CCNB1IP1: variants seen among roughly 807,000 people sequenced by gnomAD.
The protein encoded by CCNB1IP1 is E3 ubiquitin-protein ligase CCNB1IP1.
In CCNB1IP1, 14 loss-of-function variants were observed where a neutral mutation model predicts 25.6. That is an observed-to-expected ratio of 0.55 (90% CI 0.36 to 0.85). The LOEUF (loss-of-function observed/expected upper bound fraction) is 0.85. Ranked by LOEUF, CCNB1IP1 falls within the 40% of genes least tolerant of loss-of-function variation. The pLI, the probability that CCNB1IP1 is intolerant of heterozygous loss-of-function variation, is 0.01. For synonymous variants in CCNB1IP1, 119 were observed against 116.1 expected (o/e 1.02, Z -0.16); for missense variants, 278 against 342.4 (o/e 0.81, Z 1.48).
intron 6 of CCNB1IP1, among the ~76,000 whole-genome samples, chr14:20,312,973 C>A (rs1456528150): frequency 6.6e-6 from 1 of 152,020 alleles, no homozygotes. Context: ...GAAACATGGC[C>A]TTCTTGGAGG....
rs1215020093 is a variant in CCNB1IP1 at position 20,311,467 on chromosome 14, C to T, written c.*83G>A. ...TGGCATGATCTTAGATCACTAAAGCCTCAGACTCCTGGGCTCAAGTGATCC... is the reference window on the plus strand; with the variant it reads ...TGGCATGATCTTAGATCACTAAAGCTTCAGACTCCTGGGCTCAAGTGATCC... On this transcript the variant is annotated 3_prime_UTR_variant, in exon 7 of 7. Coordinates refer to ENST00000358932, the MANE Select transcript of CCNB1IP1 (RefSeq NM_021178.5). The T allele has an allele frequency of 8.4e-6, 10 of 1,188,844 alleles. No individual in the cohort carries two copies. The highest frequency in any genetic ancestry group is 1.2e-5 in the Non-Finnish European group (10 of 800,230). 73.6% of individuals were successfully genotyped at this position (1,188,844 alleles called of 1,614,324 possible). A position where few individuals can be genotyped will look rare whatever the true frequency, so the allele number is the denominator to read the frequency against.
At chr14:20,314,726 A>C (rs890713909) in intron 5 of CCNB1IP1, 26 of 152,272 alleles carry the variant, frequency 1.7e-4, no homozygotes, top group Middle Eastern at 3.4e-3. Flanking sequence ...AGGATCAAAG[A>C]ATACTTCAAA....
intron 1 of CCNB1IP1, among the ~76,000 whole-genome samples, chr14:20,332,005 C>CATATATATATATATATGATGTGTATAT (rs1883251359): frequency 3.0e-5 from 2 of 66,580 alleles, no homozygotes; most frequent in African/African-American, 1.6e-4. Context: ...GATGTGTATA[C>CATATATATATATATATGATGTGTATAT]ATATATATAT....
intron 4 of CCNB1IP1, among the ~76,000 whole-genome samples, chr14:20,321,711 T>C (rs1882902319): frequency 6.6e-6 from 1 of 152,184 alleles, no homozygotes; most frequent in Admixed American, 6.5e-5. Context: ...CTCGGCCTTC[T>C]GAAGTGCTGG....
intron 4 of CCNB1IP1, among the ~76,000 whole-genome samples, chr14:20,325,081 A>G (rs1018088665): frequency 7.3e-5 from 11 of 150,116 alleles, no homozygotes; most frequent in Admixed American, 4.6e-4. Flanking sequence ...CCAAAGTGCT[A>G]GGATTACAGG....
chr14:20,312,386 C>T (rs1566397749), intron 6 of CCNB1IP1, among the ~76,000 whole-genome samples: 1 of 147,266 alleles, frequency 6.8e-6, no homozygotes, highest in Non-Finnish European at 1.5e-5. Context: ...TGCCCCCCAC[C>T]TTTTTTTTTT....
In CCNB1IP1 at chr14:20,316,363, G is replaced by A; in HGVS notation, c.161C>T (p.Thr54Ile). Residue 54 changes from threonine (T) to isoleucine (I), a missense_variant, in exon 5 of 7, where the codon ACC becomes ATC. Transcript: ENST00000358932. ...GACAATATCTAGCTTTCCAGAAAGG[G>A]TACTGTTGCAGGCAGGACAGATAGC... ...SPAICPACNS[T>I]LSGKLDIVRT... 1 of 1,613,956 alleles carries A rather than the reference G, an allele frequency of 6.2e-7. No homozygotes were observed. Among genetic ancestry groups the A allele is most frequent in the Non-Finnish European group, 8.5e-7 (1 of 1,179,880 alleles).
At chr14:20,320,289 A>G (rs995403713) in intron 4 of CCNB1IP1, 4 of 455,650 alleles carry the variant, frequency 8.8e-6, no homozygotes, top group Admixed American at 2.4e-5. Flanking sequence ...ATAACTTACA[A>G]TAAGAGTTGT....
At chr14:20,321,277 ATT>A (rs1490069243) in intron 4 of CCNB1IP1, among the ~76,000 whole-genome samples, 5 of 152,190 alleles carry the variant, frequency 3.3e-5, no homozygotes. Flanking sequence ...CTTCCTGTTT[ATT>A]TTGATACCTT....
chr14:20,322,985 AC>A (rs1882943968), intron 4 of CCNB1IP1, among the ~76,000 whole-genome samples: 1 of 152,106 alleles, frequency 6.6e-6, no homozygotes, highest in Non-Finnish European at 1.5e-5. Flanking sequence ...AACTGAGTAA[AC>A]CATTTAAAAT....
At chr14:20,327,094 TTAAC>T (rs1883098837) in intron 2 of CCNB1IP1, among the ~76,000 whole-genome samples, 1 of 151,506 alleles carries the variant, frequency 6.6e-6, no homozygotes, top group Non-Finnish European at 1.5e-5. Context: ...CAAAAAAAAT[TTAAC>T]AACAACAACA....
rs1882558788 is a variant in CCNB1IP1 at position 20,313,194 on chromosome 14, A to G, written c.631+274T>C. The stretch of plus-strand genomic sequence containing the variant: ...AATGACAGCTAATATTATTATTACT[A>G]CAACTACATAGCTTTTAACTTAATG... On this transcript the variant is annotated intron_variant, in intron 6 of 6. Transcript: ENST00000358932. Among the ~76,000 whole-genome samples the G allele has an allele frequency of 3.3e-5, 5 of 152,264 alleles. No homozygotes were observed. In the South Asian group the frequency reaches 8.3e-4, roughly 25 times the overall value.
chr14:20,315,833 C>T (rs1409172695), intron 5 of CCNB1IP1: 1 of 1,084,036 alleles, frequency 9.2e-7, no homozygotes, highest in African/African-American at 1.6e-5. Flanking sequence ...GGCTTGAACC[C>T]AGGAGTTAGA....
intron 4 of CCNB1IP1, among the ~76,000 whole-genome samples, chr14:20,319,854 A>C (rs559836879): frequency 6.6e-6 from 1 of 152,360 alleles, no homozygotes; most frequent in South Asian, 2.1e-4. Flanking sequence ...TTTCACTGCC[A>C]CCAGCAAAGT....
intron 5 of CCNB1IP1, among the ~76,000 whole-genome samples, 182 bp downstream of exon 5, chr14:20,316,045 G>A (rs1882683472): frequency 6.6e-6 from 1 of 152,084 alleles, no homozygotes; most frequent in Non-Finnish European, 1.5e-5. Flanking sequence ...AATTATGAGT[G>A]CTTTAATTTT....
intron 3 of CCNB1IP1, chr14:20,326,479 C>A (rs907484583): frequency 1.9e-6 from 1 of 534,598 alleles, no homozygotes; most frequent in Non-Finnish European, 3.8e-6. Context: ...TTTAATCAGG[C>A]TGATCAGCTG....
At chr14:20,313,416 A>G in intron 6 of CCNB1IP1, 52 bp downstream of exon 6, 2 of 1,397,530 alleles carry the variant, frequency 1.4e-6, no homozygotes, top group Non-Finnish European at 2.0e-6. Flanking sequence ...GCAGAGCAGT[A>G]TAAAAAATCA....
At chr14:20,326,151 T>C (rs1883068950) in intron 3 of CCNB1IP1, among the ~76,000 whole-genome samples, 1 of 152,210 alleles carries the variant, frequency 6.6e-6, no homozygotes, top group Admixed American at 6.5e-5. Context: ...CATGTATAGA[T>C]TGATAAAATA....
In CCNB1IP1 at chr14:20,316,383, G is replaced by C. The variant is rs764595262; in HGVS notation, c.141C>G (p.Ile47Met). 2.5e-6 allele frequency: 4 copies of C among 1,614,032 alleles called. No homozygotes were observed. Among genetic ancestry groups the C allele is most frequent in the Middle Eastern group, 1.7e-4 (1 of 6,056 alleles). ...AAAGGGTACTGTTGCAGGCAGGACA[G>C]ATAGCTGGTGAGCGACTAAACTCAC... ...GSGEFSRSPA[I>M]CPACNSTLSG... The change falls in exon 5 of 7, where the codon ATC becomes ATG. Residue 47 changes from isoleucine to methionine, a missense_variant. Ile to Met is a conservative substitution (Grantham distance 10, BLOSUM62 1). Transcript: ENST00000358932.
Sources: gnomAD v4.1 joint callset for allele counts (sites outside exome capture counted in the v4.1 genomes callset) on GRCh38, gnomAD v4.1.1 for gene constraint, MANE v1.5 for transcripts, NCBI Gene and HGNC (gene_info 2026-07-23, HGNC 2026-07-21) for gene names.